NMT2: variants seen among roughly 807,000 people sequenced by gnomAD.
NMT2 encodes glycylpeptide N-tetradecanoyltransferase 2.
A neutral mutation model predicts 65.4 loss-of-function variants in NMT2; 35 were observed. That is an observed-to-expected ratio of 0.54 (90% confidence interval 0.41 to 0.71). NMT2 has a LOEUF of 0.71. NMT2 is among the 30% of genes least tolerant of loss of function. NMT2 has a pLI of 0.00. For synonymous variants in NMT2, 226 were observed against 231.8 expected (o/e 0.98, Z 0.23); for missense variants, 489 against 611.3 (o/e 0.80, Z 2.11).
intron 10 of NMT2, among the ~76,000 whole-genome samples, chr10:15,110,353 G>A (rs917328821): frequency 4.6e-5 from 7 of 152,114 alleles, no homozygotes; most frequent in African/African-American, 1.2e-4. Context: ...GGTGGCTCAC[G>A]CCTGTAATCC....
chr10:15,116,010 C>G (rs977079412), intron 9 of NMT2, among the ~76,000 whole-genome samples: 1 of 152,182 alleles, frequency 6.6e-6, no homozygotes, highest in Non-Finnish European at 1.5e-5. Flanking sequence ...CCCCTCTCAT[C>G]AAGTGATAGA....
intron 2 of NMT2, chr10:15,139,854 T>G (rs1846668774): frequency 8.6e-6 from 1 of 116,358 alleles, no homozygotes. Context: ...TGTAGAATGG[T>G]AACAACTACT....
At chr10:15,141,242 C>T (rs138156254) in intron 2 of NMT2, 180 bp downstream of exon 2, 33 of 855,412 alleles carry the variant, frequency 3.9e-5, no homozygotes, top group Admixed American at 2.2e-4. Flanking sequence ...TGTACCCCTT[C>T]GTTATTTGGG....
chr10:15,106,323 T>G lies in NMT2; in HGVS notation c.*2872A>C, dbSNP rs544104494. 1 of 154,440 alleles carries G rather than the reference T, an allele frequency of 6.5e-6. No homozygotes were observed. Among genetic ancestry groups the G allele is most frequent in the African/African-American group, 2.4e-5 (1 of 41,442 alleles). The allele number at this position is 154,440 out of a possible 1,614,324, so 9.6% of individuals were successfully genotyped here. On this transcript the variant is annotated 3_prime_UTR_variant, in exon 12 of 12. Transcript: ENST00000378165. ...TCTGCAATTATTTGAAAACCTACTT[T>G]GTATAGACTTTGTGGCATGAAAATG...
chr10:15,130,055 C>T (rs1846222384), intron 7 of NMT2, 87 bp downstream of exon 7: 2 of 1,047,766 alleles, frequency 1.9e-6, no homozygotes, highest in Admixed American at 6.1e-5. Flanking sequence ...TCTCTGCTAC[C>T]AGCAAAAACT....
chr10:15,126,836 A>T (rs1846088387), intron 8 of NMT2, among the ~76,000 whole-genome samples: 1 of 152,246 alleles, frequency 6.6e-6, no homozygotes, highest in Non-Finnish European at 1.5e-5. Context: ...TGTTTTAAGC[A>T]GCTCAGTTTG....
intron 1 of NMT2, among the ~76,000 whole-genome samples, chr10:15,161,095 A>C (rs1485389795): frequency 5.4e-5 from 8 of 147,546 alleles, no homozygotes; most frequent in African/African-American, 1.5e-4. Context: ...AAAAAAAAAA[A>C]AAAAAAAAAA....
At chr10:15,168,057 G>T (rs1833434018) in intron 1 of NMT2, among the ~76,000 whole-genome samples, 1 of 152,212 alleles carries the variant, frequency 6.6e-6, no homozygotes, top group Admixed American at 6.5e-5. Flanking sequence ...TGCGGAGAGG[G>T]AGTCTGAAGG....
At chr10:15,148,055 GACA>G (rs1190423658) in intron 1 of NMT2, among the ~76,000 whole-genome samples, 1 of 152,184 alleles carries the variant, frequency 6.6e-6, no homozygotes, top group Non-Finnish European at 1.5e-5. Context: ...GGTATAGAAA[GACA>G]ACATTATATT....
At chr10:15,126,487 T>C (rs1383769741) in intron 8 of NMT2, among the ~76,000 whole-genome samples, 1 of 151,626 alleles carries the variant, frequency 6.6e-6, no homozygotes, top group Non-Finnish European at 1.5e-5. Flanking sequence ...ATGAATCACC[T>C]GCATAGGGTT....
At chr10:15,160,431 C>G (rs1326563574) in intron 1 of NMT2, among the ~76,000 whole-genome samples, 1 of 152,052 alleles carries the variant, frequency 6.6e-6, no homozygotes, top group Non-Finnish European at 1.5e-5. Context: ...ACTTAAGACC[C>G]CAAGAAACCC....
At chr10:15,143,781 A>T (rs898399033) in intron 1 of NMT2, among the ~76,000 whole-genome samples, 1 of 152,106 alleles carries the variant, frequency 6.6e-6, no homozygotes, top group Admixed American at 6.6e-5. Flanking sequence ...GGATCACTTG[A>T]GCCTGGGAGG....
At chr10:15,127,587 TAAA>T (rs1846137325) in intron 8 of NMT2, among the ~76,000 whole-genome samples, 1 of 87,854 alleles carries the variant, frequency 1.1e-5, no homozygotes, top group Non-Finnish European at 2.0e-5. Flanking sequence ...AATAAATAAA[TAAA>T]TAAATAAAAT....
In NMT2 at chr10:15,130,414, A is replaced by G. The variant is rs369290251; in HGVS notation, c.720-102T>C. 179 of 910,198 alleles carry G rather than the reference A, an allele frequency of 2.0e-4. 1 individual carries two copies. The African/African-American group carries it at 2.8e-3, about 14-fold the overall frequency. The allele number at this position is 910,198 out of a possible 1,614,324, so 56.4% of individuals were successfully genotyped here. ...GATGATACCCAGGAAATATCCAAGA[A>G]TAAGAATGCAGGCTGGGAACACTGG... is the stretch of plus-strand genomic sequence containing the variant. On this transcript the variant is annotated intron_variant, in intron 6 of 11. Coordinates refer to ENST00000378165, the MANE Select transcript of NMT2 (RefSeq NM_004808.3).
intron 2 of NMT2, among the ~76,000 whole-genome samples, chr10:15,137,837 G>C (rs748600032): frequency 2.0e-5 from 3 of 152,034 alleles, no homozygotes; most frequent in Non-Finnish European, 4.4e-5. Flanking sequence ...TGTTCCACAT[G>C]ACCCAATGAC....
intron 6 of NMT2, among the ~76,000 whole-genome samples, chr10:15,132,590 A>C (rs1215758536): frequency 6.6e-6 from 1 of 151,734 alleles, no homozygotes; most frequent in South Asian, 2.1e-4. Context: ...ACCACGCCCA[A>C]CTAATTTTGT....
chr10:15,111,055 G>T (rs1845496107), intron 10 of NMT2, among the ~76,000 whole-genome samples: 1 of 151,948 alleles, frequency 6.6e-6, no homozygotes, highest in African/African-American at 2.4e-5. Context: ...GCCTTCCAAA[G>T]TGCTGGGATT....
At chr10:15,109,574 AAAAT>A (rs1048466195) in intron 11 of NMT2, 124 bp downstream of exon 11, 125 of 791,392 alleles carry the variant, frequency 1.6e-4, no homozygotes, top group East Asian at 2.6e-4. Flanking sequence ...TCATCTCAAA[AAAAT>A]AAATAAATAA....
intron 2 of NMT2, among the ~76,000 whole-genome samples, chr10:15,139,505 G>A (rs1846652939): frequency 6.6e-6 from 1 of 152,130 alleles, no homozygotes. Context: ...CCACGCTGCA[G>A]GTCAGGGATG....
Sources: gnomAD v4.1 joint callset for allele counts (sites outside exome capture counted in the v4.1 genomes callset) on GRCh38, gnomAD v4.1.1 for gene constraint, MANE v1.5 for transcripts, NCBI Gene and HGNC (gene_info 2026-07-23, HGNC 2026-07-21) for gene names.